The following FSTL4 variants were observed in gnomAD, a reference collection of about 807,000 sequenced individuals.
The protein encoded by FSTL4 is follistatin like 4.
Under a neutral mutation model 78.2 loss-of-function variants are expected in FSTL4, and 28 were observed. The ratio of observed to expected loss-of-function variants is 0.36; its 90% confidence interval spans 0.27 to 0.49. FSTL4 has a LOEUF of 0.49. FSTL4 is among the 20% of genes least tolerant of loss of function. The probability of loss-of-function intolerance (pLI) is 0.98; values close to 1 mark genes in which losing one functional copy is unlikely to be tolerated. For synonymous variants in FSTL4, 422 were observed against 440.5 expected (o/e 0.96, Z 0.53); for missense variants, 922 against 1,084.9 (o/e 0.85, Z 2.11).
chr5:133,204,972 G>C (rs1750448381), intron 14 of FSTL4, among the ~76,000 whole-genome samples: 1 of 152,058 alleles, frequency 6.6e-6, no homozygotes, highest in Admixed American at 6.6e-5. Context: ...AGTGATGAAG[G>C]TAGGTTTATT....
intron 3 of FSTL4, among the ~76,000 whole-genome samples, chr5:133,473,640 T>G (rs761766525): frequency 3.9e-5 from 6 of 152,224 alleles, no homozygotes; most frequent in African/African-American, 1.2e-4. Flanking sequence ...ATAACAGAGA[T>G]AGAATCTCTA....
chr5:133,817,963 C>G, the FSTL4 span, among the ~76,000 whole-genome samples: 1 of 152,246 alleles, frequency 6.6e-6, no homozygotes, highest in Non-Finnish European at 1.5e-5. Context: ...TCAAGGTCAT[C>G]CAGTAGAATC....
intron 4 of FSTL4, among the ~76,000 whole-genome samples, chr5:133,335,324 C>T (rs1754438961): frequency 6.6e-6 from 1 of 152,200 alleles, no homozygotes. Context: ...CTGCTCTCCC[C>T]TCCTAGGCTT....
the FSTL4 span, among the ~76,000 whole-genome samples, chr5:133,704,111 C>T: frequency 6.6e-6 from 1 of 152,164 alleles, no homozygotes; most frequent in South Asian, 2.1e-4. Flanking sequence ...ATCATCTCCA[C>T]ACCATCAGAG....
rs1485592029 is a variant in FSTL4, at chr5:133,231,822, G to C, written c.1015+1595C>G. Among the ~76,000 whole-genome samples the C allele has an allele frequency of 2.6e-5, 4 of 152,210 alleles. 1 individual carries two copies. Among genetic ancestry groups the C allele is most frequent in the Non-Finnish European group, 5.9e-5 (4 of 68,038 alleles). ...CCCAAAGTGCTGTGATTATAGGCGT[G>C]AGCCAGCACACCGGCCTCATTTTCT... On this transcript the variant is annotated intron_variant, in intron 8 of 15. Transcript: ENST00000265342.
At chr5:133,517,379 T>C (rs1281674841) in intron 3 of FSTL4, among the ~76,000 whole-genome samples, 2 of 123,932 alleles carry the variant, frequency 1.6e-5, no homozygotes, top group African/African-American at 3.2e-5. Flanking sequence ...GCCGAGATCA[T>C]ACCCATGCAT....
intron 4 of FSTL4, among the ~76,000 whole-genome samples, chr5:133,332,426 G>C (rs1006186825): frequency 2.0e-5 from 3 of 152,214 alleles, no homozygotes; most frequent in Non-Finnish European, 4.4e-5. Context: ...ACAGTTGATG[G>C]GAGTGACAGG....
chr5:133,416,019 G>A (rs1561708794), intron 3 of FSTL4, among the ~76,000 whole-genome samples: 2 of 152,186 alleles, frequency 1.3e-5, no homozygotes, highest in African/African-American at 4.8e-5. Context: ...CAAGGAGCAC[G>A]TTTAACGCTC....
At chr5:133,547,260 G>A (rs907611686) in intron 3 of FSTL4, among the ~76,000 whole-genome samples, 1 of 151,854 alleles carries the variant, frequency 6.6e-6, no homozygotes, top group African/African-American at 2.4e-5. Flanking sequence ...CTCTTAGAAG[G>A]GAAATGTCTA....
chr5:133,473,499 GGT>G (rs1757867425), intron 3 of FSTL4, among the ~76,000 whole-genome samples: 2 of 152,186 alleles, frequency 1.3e-5, no homozygotes, highest in South Asian at 4.1e-4. Flanking sequence ...TGCAGTGTGT[GGT>G]GAGGGCTGCC....
At chr5:133,323,006 G>A (rs964427389) in intron 4 of FSTL4, among the ~76,000 whole-genome samples, 4 of 152,200 alleles carry the variant, frequency 2.6e-5, no homozygotes, top group African/African-American at 7.2e-5. Flanking sequence ...TTGAATGAGA[G>A]GACCAGAGTC....
intron 6 of FSTL4, among the ~76,000 whole-genome samples, chr5:133,299,914 A>G (rs11956174): frequency 6.6e-6 from 1 of 152,164 alleles, no homozygotes; most frequent in Non-Finnish European, 1.5e-5. Context: ...CCTGAGACAC[A>G]CTGGGTTGCC....
the FSTL4 span, among the ~76,000 whole-genome samples, chr5:133,803,436 T>C: frequency 1.3e-5 from 2 of 152,174 alleles, no homozygotes. Flanking sequence ...CCCCCAGGGA[T>C]ATACCTCCCA....
rs561214755 is a variant in FSTL4, at chr5:133,485,888, T to C, written c.160+81298A>G. 7.9e-5 allele frequency among the ~76,000 whole-genome samples: 12 copies of C among 152,368 alleles called. No individual in the cohort carries two copies. In the South Asian group the frequency reaches 2.5e-3, roughly 32 times the overall value. On this transcript the variant is annotated intron_variant, in intron 3 of 15. Coordinates refer to ENST00000265342, the MANE Select transcript of FSTL4 (RefSeq NM_015082.2). ...TTATCTGACACATTACTTGTCACAGTGGGCTTCTTCCAGAAAACAAACTCT... is the reference window on the plus strand; with the variant it reads ...TTATCTGACACATTACTTGTCACAGCGGGCTTCTTCCAGAAAACAAACTCT...
intron 4 of FSTL4, among the ~76,000 whole-genome samples, chr5:133,368,727 G>A (rs915295630): frequency 1.3e-5 from 2 of 152,178 alleles, no homozygotes; most frequent in African/African-American, 2.4e-5. Flanking sequence ...GAACAGAACC[G>A]GTGGGTAGTC....
chr5:133,840,799 G>T, the FSTL4 span, among the ~76,000 whole-genome samples: 1 of 152,212 alleles, frequency 6.6e-6, no homozygotes, highest in Admixed American at 6.5e-5. Context: ...TAAATCACTC[G>T]CTTGTCAATC....
chr5:133,602,939 CT>C (rs1173645643), intron 2 of FSTL4, among the ~76,000 whole-genome samples: 1 of 152,162 alleles, frequency 6.6e-6, no homozygotes, highest in Non-Finnish European at 1.5e-5. Flanking sequence ...GGAATGTTGA[CT>C]TTTTGAGGTA....
chr5:133,338,481 G>A lies in FSTL4; in HGVS notation c.410-21829C>T, dbSNP rs778993741. On this transcript the variant is annotated intron_variant, in intron 4 of 15. Transcript: ENST00000265342. The surrounding 1 kb of genome is among the most constrained non-coding windows in gnomAD (Gnocchi z 4.0). ...CCCAGAAGCTGTGGTTCTTTGGGACGTGGAGTGGCATAAGCTATACAGAAA... is the reference window on the plus strand; with the variant it reads ...CCCAGAAGCTGTGGTTCTTTGGGACATGGAGTGGCATAAGCTATACAGAAA... Among the ~76,000 whole-genome samples, 152 of 152,242 alleles carry A rather than the reference G, an allele frequency of 1.0e-3. 4 individuals are homozygous for A. Among genetic ancestry groups the A allele is most frequent in the Admixed American group, 1.2e-3 (19 of 15,302 alleles).
chr5:133,694,477 C>T, the FSTL4 span, among the ~76,000 whole-genome samples: 13 of 152,374 alleles, frequency 8.5e-5, no homozygotes, highest in East Asian at 2.5e-3. Flanking sequence ...GGTGCTAGGG[C>T]ACCGTGGACT....
Sources: allele counts gnomAD v4.1 joint callset (sites outside exome capture counted in the v4.1 genomes callset), GRCh38; gene constraint gnomAD v4.1.1; non-coding constraint Gnocchi (gnomAD v3.1); transcripts MANE v1.5; gene names NCBI Gene and HGNC (gene_info 2026-07-23, HGNC 2026-07-21).